Variants in KIFC3 observed in about 807,000 individuals in gnomAD.
KIFC3 encodes kinesin family member C3, also known as kinesin-like protein KIFC3.
Under a neutral mutation model 101.8 loss-of-function variants are expected in KIFC3, and 60 were observed. The ratio of observed to expected loss-of-function variants is 0.59; its 90% CI spans 0.48 to 0.73. The LOEUF is 0.73. Ranked by LOEUF, KIFC3 falls within the 30% of genes least tolerant of loss-of-function variation. KIFC3 has a pLI of 0.00. For missense variants in KIFC3, 966 were observed against 1,137.1 expected (o/e 0.85, Z 2.16); for synonymous variants, 476 against 482.7 (o/e 0.99, Z 0.18).
chr16:57,793,404 C>T (rs2054041247), intron 3 of KIFC3, among the ~76,000 whole-genome samples: 1 of 151,880 alleles, frequency 6.6e-6, no homozygotes, highest in Non-Finnish European at 1.5e-5. Context: ...ACCAGCCTGG[C>T]CAACATGATG....
At position 57,771,602 on chromosome 16, in the gene KIFC3, C is replaced by A; in HGVS notation, c.466G>T (p.Glu156Ter). ...GGCTTTGTGCGCAGCTCTTGCAGCT[C>A]GGCCTCACAGCGCCGCATCTCCTGC... ...LRQEMRRCEA[E>*]LQELRTKPAG... The change falls in exon 5 of 20, where the codon GAG becomes TAG. Residue 156 changes from glutamate (E) to a stop codon, truncating the protein, a stop_gained. Transcript: ENST00000445690. LOFTEE classifies it high-confidence loss of function. 6.2e-7 allele frequency: 1 copy of A among 1,613,460 alleles called. No homozygotes were observed. Among genetic ancestry groups the A allele is most frequent in the Non-Finnish European group, 8.5e-7 (1 of 1,180,018 alleles).
intron 1 of KIFC3, among the ~76,000 whole-genome samples, chr16:57,815,844 C>T (rs2055209330): frequency 1.3e-5 from 2 of 152,206 alleles, no homozygotes; most frequent in Non-Finnish European, 2.9e-5. Context: ...CCTGCCACTC[C>T]CCCACCTCAG....
chr16:57,853,972 C>T (rs1172541881), intron 1 of KIFC3, among the ~76,000 whole-genome samples: 2 of 151,982 alleles, frequency 1.3e-5, no homozygotes, highest in South Asian at 4.2e-4. Context: ...GACTGGGTCT[C>T]GTTCTGCCAC....
intron 1 of KIFC3, among the ~76,000 whole-genome samples, chr16:57,818,567 G>A (rs1178309873): frequency 6.6e-6 from 1 of 152,016 alleles, no homozygotes; most frequent in Non-Finnish European, 1.5e-5. Flanking sequence ...TCACTATGTT[G>A]CCCAGTCTGG....
intron 1 of KIFC3, among the ~76,000 whole-genome samples, chr16:57,842,901 G>A (rs1470903500): frequency 6.6e-6 from 1 of 152,152 alleles, no homozygotes; most frequent in East Asian, 1.9e-4. Context: ...GGAGGCCAGG[G>A]CAGGAAGATC....
chr16:57,765,653 G>A lies in KIFC3; in HGVS notation c.1331-13C>T, dbSNP rs782038127. ...ACTCGGATGTTCCCTGGATTGGTTG[G>A]GGATGGGGAAATGGGTCCAGGCCAT... On this transcript the variant is annotated splice_polypyrimidine_tract_variant and intron_variant, in intron 10 of 19. Coordinates refer to ENST00000445690, the MANE Select transcript of KIFC3 (RefSeq NM_001130100.2). 8.7e-6 allele frequency: 14 copies of A among 1,603,754 alleles called. No individual in the cohort carries two copies. The Admixed American group carries it at 1.5e-4, about 17-fold the overall frequency.
chr16:57,786,390 G>C lies in KIFC3; in HGVS notation c.315+8609C>G, dbSNP rs547121823. 3.9e-5 allele frequency among the ~76,000 whole-genome samples: 6 copies of C among 152,334 alleles called. No individual in the cohort carries two copies. In the East Asian group the frequency reaches 1.2e-3, roughly 29 times the overall value. On this transcript the variant is annotated intron_variant, in intron 3 of 19. Coordinates refer to ENST00000445690, the MANE Select transcript of KIFC3 (RefSeq NM_001130100.2). The stretch of plus-strand genomic sequence containing the variant: ...AGATGGACAGATGGATGAAGGACAA[G>C]AACACAGAATCAGGGCCCGTGACCT...
intron 1 of KIFC3, among the ~76,000 whole-genome samples, chr16:57,832,340 T>C (rs2055600209): frequency 6.9e-6 from 1 of 145,466 alleles, no homozygotes; most frequent in Non-Finnish European, 1.5e-5. Context: ...TTTTTTTTTT[T>C]TTTTTTTTTT....
At chr16:57,840,913 A>C (rs2055794123) in intron 1 of KIFC3, among the ~76,000 whole-genome samples, 1 of 152,166 alleles carries the variant, frequency 6.6e-6, no homozygotes, top group African/African-American at 2.4e-5. Flanking sequence ...AAGCCTCACC[A>C]GCAGATACTA....
chr16:57,823,838 A>G (rs1241445483), intron 1 of KIFC3, among the ~76,000 whole-genome samples: 1 of 150,052 alleles, frequency 6.7e-6, no homozygotes, highest in Non-Finnish European at 1.5e-5. Flanking sequence ...CACGTTGGCC[A>G]GGCTGGCCTC....
intron 1 of KIFC3, among the ~76,000 whole-genome samples, chr16:57,836,035 CAGAGGGA>C (rs1692863381): frequency 1.3e-5 from 2 of 152,180 alleles, no homozygotes; most frequent in Non-Finnish European, 2.9e-5. Flanking sequence ...CACTAGATTC[CAGAGGGA>C]AACCCAGTCG....
Position 57,758,633 on chromosome 16 carries a change from T to A in KIFC3, c.*301A>T. ...ACCCTCCTCCACACTCCCGCCCTCC[T>A]CACGGGGCCCAGTTCGCTGATGGCC... On this transcript the variant is annotated 3_prime_UTR_variant, in exon 20 of 20. Transcript: ENST00000445690. The A allele has an allele frequency of 1.4e-6, 1 of 697,966 alleles. No individual in the cohort carries two copies. The highest frequency in any genetic ancestry group is 2.6e-6 in the Non-Finnish European group (1 of 382,682). 43.2% of individuals were successfully genotyped at this position (697,966 alleles called of 1,614,324 possible).
Position 57,769,801 on chromosome 16 carries a change from A to G in KIFC3, c.1087+7T>C. On this transcript the variant is annotated splice_region_variant and intron_variant, in intron 8 of 19. Transcript: ENST00000445690. The surrounding 1 kb of genome is among the most constrained non-coding windows in gnomAD (Gnocchi z 4.3). ...TGGGGCAGACAGGGCCCAGCTGGTCAGCTCACCTGCTAGATTCTCGTGCAC... is the reference window on the plus strand; with the variant it reads ...TGGGGCAGACAGGGCCCAGCTGGTCGGCTCACCTGCTAGATTCTCGTGCAC... 1 of 1,613,268 alleles carries G rather than the reference A, an allele frequency of 6.2e-7. No homozygotes were observed.
chr16:57,769,589 G>T lies in KIFC3; in HGVS notation c.1218+6C>A. 6.2e-7 allele frequency: 1 copy of T among 1,607,254 alleles called. No homozygotes were observed. Among genetic ancestry groups the T allele is most frequent in the Non-Finnish European group, 8.5e-7 (1 of 1,178,356 alleles). ...CTGGACCCTCCCACCCACTGCCCTC[G>T]CTCACCTCGGCCTTGACACTCCTGA... On this transcript the variant is annotated splice_donor_region_variant and intron_variant, in intron 9 of 19. Coordinates refer to ENST00000445690, the MANE Select transcript of KIFC3 (RefSeq NM_001130100.2). The surrounding 1 kb of genome is among the most constrained non-coding windows in gnomAD (Gnocchi z 4.3).
At chr16:57,775,333 G>T (rs1441214599) in intron 3 of KIFC3, 5 of 1,164,686 alleles carry the variant, frequency 4.3e-6, no homozygotes, top group Non-Finnish European at 5.3e-6. Flanking sequence ...GGGGGAATGT[G>T]ACTGAGACGC....
At chr16:57,775,225 G>C in intron 3 of KIFC3, 5 of 1,319,128 alleles carry the variant, frequency 3.8e-6, no homozygotes, top group Non-Finnish European at 4.8e-6. Context: ...GGGGAGCATG[G>C]GGGATGGTGA....
chr16:57,858,481 T>C (rs1018114364), intron 1 of KIFC3, among the ~76,000 whole-genome samples: 1 of 152,208 alleles, frequency 6.6e-6, no homozygotes, highest in African/African-American at 2.4e-5. Flanking sequence ...GAACCATTTA[T>C]AGAAAATTAA....
At chr16:57,843,967 G>T (rs1161063260) in intron 1 of KIFC3, among the ~76,000 whole-genome samples, 1 of 151,962 alleles carries the variant, frequency 6.6e-6, no homozygotes, top group Non-Finnish European at 1.5e-5. Flanking sequence ...AATTAGTTGG[G>T]CATGGTGGTG....
intron 3 of KIFC3, chr16:57,779,929 G>A (rs1249457883): frequency 6.6e-6 from 1 of 152,300 alleles, no homozygotes; most frequent in South Asian, 2.1e-4. Flanking sequence ...GGCAGAAGGA[G>A]GAGGAGACAC....
Sources: gnomAD v4.1 joint callset for allele counts (sites outside exome capture counted in the v4.1 genomes callset) on GRCh38, gnomAD v4.1.1 for gene constraint, Gnocchi (gnomAD v3.1) non-coding constraint, MANE v1.5 for transcripts, NCBI Gene and HGNC (gene_info 2026-07-23, HGNC 2026-07-21) for gene names.